Variants in NFKB1 observed in about 807,000 individuals in gnomAD.
NFKB1 encodes nuclear factor kappa B subunit 1.
In NFKB1, 9 loss-of-function variants were observed where a neutral mutation model predicts 105.1. That is an observed-to-expected ratio of 0.09 (90% confidence interval 0.05 to 0.15). NFKB1 has a LOEUF of 0.15. NFKB1 is among the 10% of genes least tolerant of loss of function. NFKB1 has a pLI of 1.00. For missense variants in NFKB1, 830 were observed against 1,203.7 expected (o/e 0.69, Z 4.59); for synonymous variants, 440 against 442.2 (o/e 1.00, Z 0.06).
chr4:102,615,455 G>A (rs1461056588), intron 23 of NFKB1, among the ~76,000 whole-genome samples: 2 of 152,312 alleles, frequency 1.3e-5, no homozygotes, highest in South Asian at 4.1e-4. Context: ...CTGCCAGGGG[G>A]CCTTCCCAGG....
chr4:102,521,757 C>T (rs191897694), intron 1 of NFKB1, among the ~76,000 whole-genome samples: 1 of 152,254 alleles, frequency 6.6e-6, no homozygotes, highest in Admixed American at 6.5e-5. Flanking sequence ...TCATGTGCTA[C>T]ACTTTGGTGT....
chr4:102,525,556 A>G lies in NFKB1; in HGVS notation c.38A>G (p.Gln13Arg), dbSNP rs1200938039. The change falls in exon 2 of 24, where the codon CAA becomes CGA. Residue 13 changes from glutamine to arginine, a missense_variant and splice_region_variant. Around this residue, in one of 8 missense-constraint regions of NFKB1, gnomAD observed 46 missense variants for 48.3 expected, o/e 0.95. Coordinates refer to ENST00000226574, the MANE Select transcript of NFKB1 (RefSeq NM_003998.4). ...GATCCATATTTGGGAAGGCCTGAAC[A>G]AGTAAGTGTCATAATCTCACTGATA... is the stretch of plus-strand genomic sequence containing the variant. ...EDDPYLGRPE[Q>R]MFHLDPSLTH... The G allele has an allele frequency of 6.2e-7, 1 of 1,612,442 alleles. No individual in the cohort carries two copies. Among genetic ancestry groups the G allele is most frequent in the Non-Finnish European group, 8.5e-7 (1 of 1,178,904 alleles).
intron 11 of NFKB1, among the ~76,000 whole-genome samples, chr4:102,589,251 A>C (rs1019609959): frequency 1.3e-5 from 2 of 152,256 alleles, no homozygotes; most frequent in African/African-American, 2.4e-5. Flanking sequence ...TCAATAGATA[A>C]CATTTATTTC....
At chr4:102,579,654 T>A (rs566226591) in intron 8 of NFKB1, among the ~76,000 whole-genome samples, 2 of 143,742 alleles carry the variant, frequency 1.4e-5, no homozygotes, top group African/African-American at 5.1e-5. Flanking sequence ...AAAATATATA[T>A]ATATATATAT....
chr4:102,582,009 G>A (rs1444800990), intron 9 of NFKB1, among the ~76,000 whole-genome samples: 3 of 152,152 alleles, frequency 2.0e-5, no homozygotes, highest in Non-Finnish European at 2.9e-5. Flanking sequence ...TCTATGAAAC[G>A]GAAAGTGAAG....
At chr4:102,599,899 GT>G (rs1219970286) in intron 15 of NFKB1, among the ~76,000 whole-genome samples, 1 of 152,198 alleles carries the variant, frequency 6.6e-6, no homozygotes, top group Non-Finnish European at 1.5e-5. Flanking sequence ...TTAATAGTAT[GT>G]TTTTTAATAA....
In NFKB1 at chr4:102,603,144, C is replaced by G. The variant is rs189775649; in HGVS notation, c.1752+2135C>G. Among the ~76,000 whole-genome samples the G allele has an allele frequency of 9.2e-5, 14 of 152,284 alleles. No individual in the cohort carries two copies. The East Asian group carries it at 1.9e-3, about 21-fold the overall frequency. The stretch of plus-strand genomic sequence containing the variant: ...CTGGAATGCAGTGGCGCGATCTCGG[C>G]TCACTGCAACCTCCACCTCCCAGGT... On this transcript the variant is annotated intron_variant, in intron 16 of 23. Transcript: ENST00000226574.
At chr4:102,602,718 G>C (rs184922131) in intron 16 of NFKB1, among the ~76,000 whole-genome samples, 1 of 152,190 alleles carries the variant, frequency 6.6e-6, no homozygotes, top group African/African-American at 2.4e-5. Context: ...ACTGGCTCTT[G>C]TGCTTCTTGT....
intron 11 of NFKB1, among the ~76,000 whole-genome samples, chr4:102,585,574 A>G (rs992943702): frequency 6.6e-6 from 1 of 152,204 alleles, no homozygotes; most frequent in Non-Finnish European, 1.5e-5. Context: ...TGAGTAAGGC[A>G]TCATTCTTTC....
intron 2 of NFKB1, 46 bp from the exon 3 acceptor site, chr4:102,529,790 T>A: frequency 7.1e-7 from 1 of 1,411,640 alleles, no homozygotes; most frequent in South Asian, 1.3e-5. Flanking sequence ...TTTCATATAA[T>A]ATAGGAAAAA....
intron 15 of NFKB1, among the ~76,000 whole-genome samples, chr4:102,598,182 G>A (rs547671937): frequency 4.6e-5 from 7 of 152,310 alleles, no homozygotes; most frequent in African/African-American, 1.7e-4. Context: ...AGACTTTTGT[G>A]ACTGCTCCAG....
chr4:102,591,798 T>C (rs1376383947), intron 11 of NFKB1, among the ~76,000 whole-genome samples: 1 of 152,258 alleles, frequency 6.6e-6, no homozygotes, highest in Admixed American at 6.5e-5. Context: ...AATTTTGACT[T>C]TCAGTCTTAT....
At chr4:102,609,324 A>G (rs1488054364) in intron 19 of NFKB1, among the ~76,000 whole-genome samples, 10 of 152,104 alleles carry the variant, frequency 6.6e-5, no homozygotes, top group South Asian at 2.1e-4. Flanking sequence ...GGAAAAGGTC[A>G]GTTAAGTCCG....
intron 1 of NFKB1, among the ~76,000 whole-genome samples, chr4:102,513,446 C>A (rs1277201259): frequency 6.6e-6 from 1 of 151,948 alleles, no homozygotes; most frequent in African/African-American, 2.4e-5. Context: ...TTAAAATGCC[C>A]AAAACATCTT....
At chr4:102,502,390 G>GCGCGCGCACACACACACA (rs1311577382) in intron 1 of NFKB1, among the ~76,000 whole-genome samples, 1 of 105,392 alleles carries the variant, frequency 9.5e-6, no homozygotes, top group East Asian at 3.0e-4. Flanking sequence ...GCGCGCGCGC[G>GCGCGCGCACACACACACA]CACACACACA....
intron 1 of NFKB1, among the ~76,000 whole-genome samples, chr4:102,503,959 A>G (rs1175661195): frequency 6.6e-6 from 1 of 152,220 alleles, no homozygotes; most frequent in Non-Finnish European, 1.5e-5. Context: ...AGGTCTAGAT[A>G]GGGAATTGGC....
At chr4:102,537,592 C>T in intron 4 of NFKB1, 2 of 285,238 alleles carry the variant, frequency 7.0e-6, no homozygotes, top group Non-Finnish European at 1.3e-5. Flanking sequence ...AGATTACTCT[C>T]CACACATGCA....
At chr4:102,548,611 C>G (rs1722319992) in intron 5 of NFKB1, among the ~76,000 whole-genome samples, 1 of 152,172 alleles carries the variant, frequency 6.6e-6, no homozygotes, top group South Asian at 2.1e-4. Context: ...GAAATTTATT[C>G]TTTCACAGTT....
chr4:102,600,845 C>A (rs1406195208), intron 15 of NFKB1, 50 bp from the exon 16 acceptor site: 2 of 1,086,228 alleles, frequency 1.8e-6, no homozygotes, highest in Non-Finnish European at 2.8e-6. Flanking sequence ...GGAATCTTTT[C>A]TTTTTCATTA....
Sources: gnomAD v4.1 joint callset for allele counts (sites outside exome capture counted in the v4.1 genomes callset) on GRCh38, gnomAD v4.1.1 for gene constraint, gnomAD v4.1.1 regional missense constraint, MANE v1.5 for transcripts, NCBI Gene and HGNC (gene_info 2026-07-23, HGNC 2026-07-21) for gene names.